The following PXK variants were observed in gnomAD, a reference collection of about 807,000 sequenced individuals.
PXK encodes PX domain-containing protein kinase-like protein.
Under a neutral mutation model 84.7 loss-of-function variants are expected in PXK, and 35 were observed. The ratio of observed to expected loss-of-function variants is 0.41; its 90% CI spans 0.32 to 0.55. PXK has a LOEUF of 0.55. PXK is among the 20% of genes least tolerant of loss of function. The pLI is 0.21. For missense variants in PXK, 634 were observed against 699.7 expected (o/e 0.91, Z 1.06); for synonymous variants, 253 against 260.8 (o/e 0.97, Z 0.29).
chr3:58,415,879 A>G (rs1341388878), intron 17 of PXK, among the ~76,000 whole-genome samples: 1 of 152,226 alleles, frequency 6.6e-6, no homozygotes, highest in Non-Finnish European at 1.5e-5. Flanking sequence ...GAGGTTGCAC[A>G]TTGGTTTAAG....
intron 12 of PXK, 28 bp from the exon 13 acceptor site, chr3:58,403,834 G>A (rs201307439): frequency 6.7e-7 from 1 of 1,492,836 alleles, no homozygotes; most frequent in African/African-American, 1.4e-5. Context: ...GTTCAAGAAA[G>A]ATTTTTGTTT....
Position 58,408,938 on chromosome 3 carries a change from A to T in PXK, c.1245A>T (p.Leu415Phe). 6.3e-7 allele frequency: 1 copy of T among 1,582,530 alleles called. No homozygotes were observed. The highest frequency in any genetic ancestry group is 8.7e-7 in the Non-Finnish European group (1 of 1,151,434). Reference sequence around the variant, plus strand: ...TCTCCTTTCAGATCCCTACAAAGTTAAAAGAGGCATTGAGAATTGCCAAAG... The same window carrying T: ...TCTCCTTTCAGATCCCTACAAAGTTTAAAGAGGCATTGAGAATTGCCAAAG... ...EKPQFKIPTK[L>F]KEALRIAKEC... The change falls in exon 14 of 18, where the codon TTA (leucine) becomes TTT (phenylalanine). Residue 415 changes from leucine to phenylalanine, a missense_variant. Around this residue, in one of 3 missense-constraint regions of PXK, gnomAD observed 273 missense variants for 283.6 expected, o/e 0.96. Transcript: ENST00000356151.
At chr3:58,395,146 T>A in intron 8 of PXK, 44 bp downstream of exon 8, 3 of 1,405,924 alleles carry the variant, frequency 2.1e-6, no homozygotes, top group Non-Finnish European at 3.0e-6. Context: ...TCAAGTTCCT[T>A]TAGAACCTGT....
At chr3:58,422,195 G>T (rs535263978) in intron 17 of PXK, 5 of 985,290 alleles carry the variant, frequency 5.1e-6, no homozygotes, top group Non-Finnish European at 6.0e-6. Flanking sequence ...AATCAATGGG[G>T]CAGACTGAGT....
rs760376788 is a variant in PXK, at chr3:58,410,181, T to G, written c.1465+22T>G. Reference sequence around the variant, plus strand: ...TCAGGTAACTGGTTATAGATGGTAGTGGGGCCCAGGACACAGAGATCAGGA... The same window carrying G: ...TCAGGTAACTGGTTATAGATGGTAGGGGGGCCCAGGACACAGAGATCAGGA... On this transcript the variant is annotated intron_variant, in intron 16 of 17. Coordinates refer to ENST00000356151, the MANE Select transcript of PXK (RefSeq NM_017771.5). 9.2e-6 allele frequency: 14 copies of G among 1,529,314 alleles called. No individual in the cohort carries two copies. The South Asian group carries it at 1.5e-4, about 16-fold the overall frequency. 94.7% of individuals were successfully genotyped at this position (1,529,314 alleles called of 1,614,324 possible). A position where few individuals can be genotyped will look rare whatever the true frequency, so the allele number is the denominator to read the frequency against.
intron 2 of PXK, 22 bp downstream of exon 2, chr3:58,365,946 T>TG (rs770105586): frequency 1.3e-6 from 2 of 1,563,780 alleles, no homozygotes; most frequent in Non-Finnish European, 1.7e-6. Context: ...TTTTTTTTTT[T>TG]TTGTCAATTA....
chr3:58,377,973 G>C (rs923776750), intron 3 of PXK, among the ~76,000 whole-genome samples: 1 of 152,204 alleles, frequency 6.6e-6, no homozygotes, highest in Admixed American at 6.5e-5. Context: ...TGAAGGTCAA[G>C]GAGTTGCAAG....
intron 13 of PXK, among the ~76,000 whole-genome samples, chr3:58,406,646 G>A (rs1176614154): frequency 6.6e-6 from 1 of 152,118 alleles, no homozygotes; most frequent in Non-Finnish European, 1.5e-5. Flanking sequence ...GTTCAGTGGT[G>A]TTAACTATCT....
At chr3:58,372,342 A>G (rs1012867540) in intron 3 of PXK, among the ~76,000 whole-genome samples, 1 of 150,948 alleles carries the variant, frequency 6.6e-6, no homozygotes, top group African/African-American at 2.4e-5. Context: ...TTTTTTTTTG[A>G]GATGGAGTCT....
At chr3:58,422,557 T>G (rs773528392) in intron 17 of PXK, 66 of 985,004 alleles carry the variant, frequency 6.7e-5, no homozygotes, top group Non-Finnish European at 7.7e-5. Context: ...CAGTGGAAAA[T>G]CCATGTCCAT....
Position 58,333,210 on chromosome 3 carries a change from G to T in PXK, c.102+120G>T, listed in dbSNP as rs2097526817. The T allele has an allele frequency of 5.5e-6, 3 of 543,628 alleles. No individual in the cohort carries two copies. Among genetic ancestry groups the T allele is most frequent in the Admixed American group, 6.2e-5 (1 of 16,258 alleles). 33.7% of individuals were successfully genotyped at this position (543,628 alleles called of 1,614,324 possible). ...ACGGAGACCGGGCCACAGGGTGGGC[G>T]GCCCTGGCCGAGAAGGCTGTGGCGC... On this transcript the variant is annotated intron_variant, in intron 1 of 17. Coordinates refer to ENST00000356151, the MANE Select transcript of PXK (RefSeq NM_017771.5). The surrounding 1 kb of genome is among the most constrained non-coding windows in gnomAD (Gnocchi z 5.4).
intron 1 of PXK, among the ~76,000 whole-genome samples, chr3:58,346,995 T>C (rs1050191404): frequency 2.0e-5 from 3 of 152,112 alleles, no homozygotes; most frequent in African/African-American, 7.2e-5. Flanking sequence ...CGTGCCACCA[T>C]GCCCGGCTAA....
intron 1 of PXK, among the ~76,000 whole-genome samples, chr3:58,336,504 G>C (rs182846951): frequency 3.3e-5 from 5 of 152,140 alleles, no homozygotes; most frequent in Non-Finnish European, 7.4e-5. Flanking sequence ...TAGTATTTAG[G>C]GGGAGGATGC....
intron 1 of PXK, among the ~76,000 whole-genome samples, chr3:58,341,204 T>G (rs1004949891): frequency 1.3e-5 from 2 of 152,176 alleles, no homozygotes; most frequent in East Asian, 1.9e-4. Context: ...CCATTTAGTC[T>G]TCAGCTCACC....
intron 17 of PXK, chr3:58,422,110 T>C (rs9822328): frequency 0.78 from 769,539 of 985,060 alleles, 300,863 homozygotes; most frequent in East Asian, 0.81. Flanking sequence ...TAGCCATGTG[T>C]TGTAGCTGAA....
chr3:58,407,468 GATTT>G lies in PXK; in HGVS notation c.1231-1455_1231-1452del, dbSNP rs1484249185. Among the ~76,000 whole-genome samples, 2 of 151,876 alleles carry G rather than the reference GATTT, an allele frequency of 1.3e-5. No homozygotes were observed. The highest frequency in any genetic ancestry group is 2.9e-5 in the Non-Finnish European group (2 of 67,980). ...GATATTAACCCCTTATCAGACCTAT[GATTT>G]GCAAATATTGTGTCCCATTTCTTGA... On this transcript the variant is annotated intron_variant, in intron 13 of 17. Coordinates refer to ENST00000356151, the MANE Select transcript of PXK (RefSeq NM_017771.5). This position sits in a 1 kb window ranked among gnomAD's most constrained non-coding sequence, Gnocchi z 4.3.
intron 1 of PXK, among the ~76,000 whole-genome samples, chr3:58,363,789 A>G (rs189791696): frequency 3.5e-4 from 53 of 152,184 alleles, no homozygotes; most frequent in African/African-American, 1.2e-3. Flanking sequence ...TAGTTTGTTG[A>G]GTAGGAGAAC....
In PXK at chr3:58,370,562, C is replaced by A. The variant is rs555359877; in HGVS notation, c.201+1084C>A. Reference sequence around the variant, plus strand: ...TCAGCCAGGAGGGAAAGGACTGCTCCCGTCATTGGTGAGCTAGCCGTTATC... The same window carrying A: ...TCAGCCAGGAGGGAAAGGACTGCTCACGTCATTGGTGAGCTAGCCGTTATC... On this transcript the variant is annotated intron_variant, in intron 3 of 17. Coordinates refer to ENST00000356151, the MANE Select transcript of PXK (RefSeq NM_017771.5). This position sits in a 1 kb window ranked among gnomAD's most constrained non-coding sequence, Gnocchi z 4.2. 6.6e-6 allele frequency among the ~76,000 whole-genome samples: 1 copy of A among 152,286 alleles called. No individual in the cohort carries two copies. Among genetic ancestry groups the A allele is most frequent in the South Asian group, 2.1e-4 (1 of 4,824 alleles).
rs1216837333 is a variant in PXK at position 58,412,746 on chromosome 3, C to T, written c.1466-155C>T. Among the ~76,000 whole-genome samples, 7 of 152,138 alleles carry T rather than the reference C, an allele frequency of 4.6e-5. No individual in the cohort carries two copies. The highest frequency in any genetic ancestry group is 8.8e-5 in the Non-Finnish European group (6 of 68,036). On this transcript the variant is annotated intron_variant, in intron 16 of 17. Coordinates refer to ENST00000356151, the MANE Select transcript of PXK (RefSeq NM_017771.5). The surrounding 1 kb of genome is among the most constrained non-coding windows in gnomAD (Gnocchi z 6.2). Reference sequence around the variant, plus strand: ...CAGAGTAAAAGCCTGTCACTGGGTCCGGTCTCTGAGTTTTTTGTCCCTCAT... The same window carrying T: ...CAGAGTAAAAGCCTGTCACTGGGTCTGGTCTCTGAGTTTTTTGTCCCTCAT...
Sources: allele counts gnomAD v4.1 joint callset (sites outside exome capture counted in the v4.1 genomes callset), GRCh38; gene constraint gnomAD v4.1.1; regional missense constraint gnomAD v4.1.1; non-coding constraint Gnocchi (gnomAD v3.1); transcripts MANE v1.5; gene names NCBI Gene and HGNC (gene_info 2026-07-23, HGNC 2026-07-21).